The following HSPA4 variants were observed in gnomAD, a reference collection of about 807,000 sequenced individuals.
The protein encoded by HSPA4 is heat shock protein family A (Hsp70) member 4.
Under a neutral mutation model 106.2 loss-of-function variants are expected in HSPA4, and 25 were observed. The observed-to-expected ratio is 0.24, with a 90% CI of 0.17 to 0.33. The LOEUF (loss-of-function observed/expected upper bound fraction) is 0.33. Ranked by LOEUF, HSPA4 falls within the 10% of genes least tolerant of loss-of-function variation. The pLI, the probability that HSPA4 is intolerant of heterozygous loss-of-function variation, is 1.00. For missense variants in HSPA4, 841 were observed against 996.0 expected (o/e 0.84, Z 2.10); for synonymous variants, 332 against 333.6 (o/e 1.00, Z 0.05).
intron 3 of HSPA4, among the ~76,000 whole-genome samples, chr5:133,068,435 G>C (rs905751750): frequency 2.0e-5 from 3 of 151,934 alleles, no homozygotes; most frequent in Non-Finnish European, 4.4e-5. Context: ...TCCATGAGGG[G>C]GGGTGGGGGC....
At chr5:133,064,913 C>A in intron 1 of HSPA4, 67 bp from the exon 2 acceptor site, 1 of 1,328,862 alleles carries the variant, frequency 7.5e-7, no homozygotes, top group Non-Finnish European at 1.1e-6. Flanking sequence ...TCAGATCTTG[C>A]CTGCTATGCT....
Position 133,070,414 on chromosome 5 carries a change from A to G in HSPA4, c.347A>G (p.Gln116Arg). 1 of 1,611,114 alleles carries G rather than the reference A, an allele frequency of 6.2e-7. No individual in the cohort carries two copies. Among genetic ancestry groups the G allele is most frequent in the Non-Finnish European group, 8.5e-7 (1 of 1,179,284 alleles). Reference protein sequence around the residue: ...MEEERNFTTEQVTAMLLSKLK... With the variant: ...MEEERNFTTERVTAMLLSKLK... The stretch of plus-strand genomic sequence containing the variant: ...GAAGAGCGAAATTTTACCACTGAGC[A>G]AGTGACTGCCATGCTTTTGTCCAAA... Residue 116 changes from glutamine (Q) to arginine (R), a missense_variant, in exon 4 of 19, where the codon CAA (glutamine) becomes CGA (arginine). Physicochemically the swap from Gln to Arg is conservative, Grantham distance 43. This residue lies in a region of HSPA4 where 347 missense variants were observed against 408.7 expected (regional missense o/e 0.85). Transcript: ENST00000304858.
intron 15 of HSPA4, among the ~76,000 whole-genome samples, chr5:133,098,430 G>C (rs1194090956): frequency 1.3e-5 from 2 of 151,946 alleles, no homozygotes; most frequent in African/African-American, 4.8e-5. Context: ...TCCTGCCTCA[G>C]CCTCCGGAGT....
At chr5:133,080,469 G>C (rs1365142052) in intron 7 of HSPA4, among the ~76,000 whole-genome samples, 2 of 139,260 alleles carry the variant, frequency 1.4e-5, no homozygotes, top group Non-Finnish European at 3.1e-5. Context: ...ACTATATTTT[G>C]ATGTTGGTTA....
chr5:133,089,697 TA>T lies in HSPA4; in HGVS notation c.1378+4del. On this transcript the variant is annotated splice_donor_region_variant and intron_variant, in intron 11 of 18. Coordinates refer to ENST00000304858, the MANE Select transcript of HSPA4 (RefSeq NM_002154.4). ...TGCCCTATCCAGATCCTGCTATAGG[TA>T]AGTAAAGAGTTGGAAATTAAAAAAG... The T allele has an allele frequency of 6.5e-7, 1 of 1,527,464 alleles. No homozygotes were observed. The highest frequency in any genetic ancestry group is 8.8e-7 in the Non-Finnish European group (1 of 1,138,954). 94.6% of individuals were successfully genotyped at this position (1,527,464 alleles called of 1,614,324 possible).
rs183039945 is a variant in HSPA4 at position 133,061,680 on chromosome 5, C to T, written c.108-3300C>T. Among the ~76,000 whole-genome samples the T allele has an allele frequency of 3.2e-3, 493 of 152,202 alleles. 17 individuals are homozygous for T. Among genetic ancestry groups the T allele is most frequent in the Admixed American group, 0.03 (464 of 15,270 alleles). ...TCTTGCCCAGGCTGGAGTGCAGTGG[C>T]GTGATCTTGGCTCACTACAACCTCC... On this transcript the variant is annotated intron_variant, in intron 1 of 18. Coordinates refer to ENST00000304858, the MANE Select transcript of HSPA4 (RefSeq NM_002154.4).
chr5:133,062,037 G>A (rs1049890633), intron 1 of HSPA4, among the ~76,000 whole-genome samples: 10 of 152,182 alleles, frequency 6.6e-5, no homozygotes, highest in African/African-American at 2.4e-4. Context: ...CATTTCAGAC[G>A]TCAAAAGTGA....
intron 2 of HSPA4, among the ~76,000 whole-genome samples, chr5:133,066,973 A>C (rs1257316035): frequency 1.3e-5 from 2 of 152,076 alleles, no homozygotes; most frequent in Non-Finnish European, 2.9e-5. Flanking sequence ...GCTTCTTTCA[A>C]AGTGCTGGGA....
intron 1 of HSPA4, among the ~76,000 whole-genome samples, chr5:133,064,306 T>G (rs1336604871): frequency 2.6e-5 from 4 of 152,116 alleles, no homozygotes; most frequent in African/African-American, 9.7e-5. Context: ...AGGAGTTCGA[T>G]ACCAGCCTGA....
chr5:133,072,377 G>C (rs74291390), intron 4 of HSPA4, among the ~76,000 whole-genome samples: 1 of 147,460 alleles, frequency 6.8e-6, no homozygotes, highest in East Asian at 2.0e-4. Context: ...GTTCTGCCTA[G>C]CCTGGTCCAG....
intron 1 of HSPA4, among the ~76,000 whole-genome samples, chr5:133,053,336 T>TTTC (rs1554087644): frequency 6.7e-6 from 1 of 149,754 alleles, no homozygotes; most frequent in African/African-American, 2.5e-5. Flanking sequence ...TTCTTTTTTT[T>TTTC]TTTTTTTTTT....
At chr5:133,067,319 C>CTATATAAA (rs1307133110) in intron 2 of HSPA4, 98 bp from the exon 3 acceptor site, 37 of 1,037,602 alleles carry the variant, frequency 3.6e-5, no homozygotes, top group Non-Finnish European at 4.9e-5. Flanking sequence ...GAAGGAGACT[C>CTATATAAA]TATATAAAGT....
intron 1 of HSPA4, among the ~76,000 whole-genome samples, chr5:133,059,138 A>G (rs9763413): frequency 0.022 from 3,248 of 144,640 alleles, 108 homozygotes; most frequent in African/African-American, 0.078. Flanking sequence ...AAAAATAGTA[A>G]TAATAATAAT....
At chr5:133,094,440 G>A (rs2126713897) in intron 13 of HSPA4, among the ~76,000 whole-genome samples, 1 of 152,240 alleles carries the variant, frequency 6.6e-6, no homozygotes, top group Non-Finnish European at 1.5e-5. Context: ...CTTTTCTTTA[G>A]CTGTGCAAGT....
At chr5:133,071,158 G>A (rs1051355390) in intron 4 of HSPA4, among the ~76,000 whole-genome samples, 6 of 151,688 alleles carry the variant, frequency 4.0e-5, no homozygotes, top group Non-Finnish European at 8.8e-5. Flanking sequence ...ATTTGCTGTT[G>A]GTATCTAGCG....
chr5:133,073,634 A>G (rs1247682425), intron 5 of HSPA4, among the ~76,000 whole-genome samples: 1 of 152,248 alleles, frequency 6.6e-6, no homozygotes. Context: ...GTGGACTGGT[A>G]GAGTCAGAGG....
At chr5:133,058,551 G>A (rs1437950138) in intron 1 of HSPA4, among the ~76,000 whole-genome samples, 1 of 151,554 alleles carries the variant, frequency 6.6e-6, no homozygotes, top group Non-Finnish European at 1.5e-5. Flanking sequence ...GGTGGTGCAT[G>A]CCTGTAATCC....
chr5:133,060,297 C>T (rs1182561785), intron 1 of HSPA4, among the ~76,000 whole-genome samples: 1 of 152,010 alleles, frequency 6.6e-6, no homozygotes. Flanking sequence ...TTTGAGTATT[C>T]ATATCATTTA....
At chr5:133,099,171 C>T (rs934643416) in intron 15 of HSPA4, among the ~76,000 whole-genome samples, 3 of 152,096 alleles carry the variant, frequency 2.0e-5, no homozygotes, top group African/African-American at 4.8e-5. Context: ...GCTCTGTTGC[C>T]CAGGCTGGAG....
Sources: allele counts gnomAD v4.1 joint callset (sites outside exome capture counted in the v4.1 genomes callset), GRCh38; gene constraint gnomAD v4.1.1; regional missense constraint gnomAD v4.1.1; transcripts MANE v1.5; gene names NCBI Gene and HGNC (gene_info 2026-07-23, HGNC 2026-07-21).